Variants in SKAP2 observed in about 807,000 individuals in gnomAD.
SKAP2 encodes the protein src kinase associated phosphoprotein 2.
In SKAP2, 28 loss-of-function variants were observed where a neutral mutation model predicts 54.9. That is an observed-to-expected ratio of 0.51 (90% CI 0.38 to 0.70). The LOEUF (loss-of-function observed/expected upper bound fraction) is 0.70, where lower values mean the gene tolerates loss of function less well. Ranked by LOEUF, SKAP2 falls within the 30% of genes least tolerant of loss-of-function variation. SKAP2 has a pLI of 0.00. For synonymous variants in SKAP2, 137 were observed against 134.3 expected (o/e 1.02, Z -0.14); for missense variants, 356 against 424.1 (o/e 0.84, Z 1.41).
chr7:26,831,324 T>G (rs535071056), intron 4 of SKAP2, among the ~76,000 whole-genome samples: 22 of 152,308 alleles, frequency 1.4e-4, no homozygotes, highest in Admixed American at 4.6e-4. Flanking sequence ...ATGATATATT[T>G]GCTATAGCAA....
chr7:26,707,739 C>A (rs1010519087), intron 9 of SKAP2, among the ~76,000 whole-genome samples: 1 of 152,164 alleles, frequency 6.6e-6, no homozygotes, highest in African/African-American at 2.4e-5. Context: ...AGACCCCCAA[C>A]AGCCCAGGGA....
At chr7:26,697,273 A>C (rs1395443353) in intron 9 of SKAP2, among the ~76,000 whole-genome samples, 2 of 152,202 alleles carry the variant, frequency 1.3e-5, no homozygotes, top group African/African-American at 4.8e-5. Context: ...TTTCAGGAGC[A>C]GTCTTGTATA....
At chr7:26,791,886 T>G (rs1222063430) in intron 4 of SKAP2, among the ~76,000 whole-genome samples, 1 of 152,202 alleles carries the variant, frequency 6.6e-6, no homozygotes, top group Non-Finnish European at 1.5e-5. Context: ...CAAAAAGTCT[T>G]GTACACCAAC....
intron 4 of SKAP2, among the ~76,000 whole-genome samples, chr7:26,793,630 TA>T (rs1264883439): frequency 2.0e-5 from 3 of 152,306 alleles, no homozygotes; most frequent in East Asian, 3.9e-4. Context: ...AAGAGGTACA[TA>T]ATCTAAGTTA....
chr7:26,727,102 AT>A, intron 6 of SKAP2, 96 bp from the exon 7 acceptor site: 4 of 1,044,576 alleles, frequency 3.8e-6, no homozygotes, highest in Non-Finnish European at 2.7e-6. Flanking sequence ...TGGAAATAAC[AT>A]TTTTTGGTCA....
chr7:26,863,888 C>T (rs544594799), intron 1 of SKAP2, among the ~76,000 whole-genome samples: 1 of 152,240 alleles, frequency 6.6e-6, no homozygotes, highest in African/African-American at 2.4e-5. Context: ...TAACCCCTAA[C>T]ACCTGTGGCT....
At chr7:26,742,892 TA>T (rs556490638) in intron 4 of SKAP2, among the ~76,000 whole-genome samples, 77 of 152,260 alleles carry the variant, frequency 5.1e-4, no homozygotes, top group African/African-American at 1.8e-3. Context: ...AATTTCCTTT[TA>T]AAAAAATATG....
chr7:26,725,771 A>G, intron 8 of SKAP2, 152 bp downstream of exon 8: 1 of 801,988 alleles, frequency 1.2e-6, no homozygotes. Flanking sequence ...GATGCTGTTT[A>G]AAATCTGAAG....
chr7:26,864,278 G>C, intron 1 of SKAP2, 85 bp downstream of exon 1: 2 of 1,528,958 alleles, frequency 1.3e-6, no homozygotes, highest in Non-Finnish European at 1.8e-6. Context: ...GGGAGGATAA[G>C]GGCTCTGAAT....
At chr7:26,839,689 C>A (rs1361968167) in intron 4 of SKAP2, among the ~76,000 whole-genome samples, 5 of 151,868 alleles carry the variant, frequency 3.3e-5, no homozygotes. Flanking sequence ...AACATTGTTT[C>A]ATACTCTACT....
At chr7:26,755,454 A>G (rs2189017) in intron 4 of SKAP2, among the ~76,000 whole-genome samples, 124,253 of 151,992 alleles carry the variant, frequency 0.82, 51,425 homozygotes, top group African/African-American at 0.95. Flanking sequence ...ATAATGAACT[A>G]CAAATTAATA....
intron 4 of SKAP2, among the ~76,000 whole-genome samples, chr7:26,748,769 C>T (rs1440609112): frequency 6.6e-6 from 1 of 151,912 alleles, no homozygotes; most frequent in Non-Finnish European, 1.5e-5. Context: ...TAAATATATA[C>T]AATTATGAAC....
chr7:26,658,961 T>C, the SKAP2 span, among the ~76,000 whole-genome samples: 1 of 152,098 alleles, frequency 6.6e-6, no homozygotes, highest in Non-Finnish European at 1.5e-5. Context: ...GCAGAGCATA[T>C]AGGCCAGACC....
intron 4 of SKAP2, among the ~76,000 whole-genome samples, chr7:26,762,227 C>T (rs928468751): frequency 6.6e-6 from 1 of 151,974 alleles, no homozygotes. Flanking sequence ...TGTGAACGTA[C>T]CACTGCACTC....
At chr7:26,832,110 T>C (rs1784607533) in intron 4 of SKAP2, among the ~76,000 whole-genome samples, 1 of 152,242 alleles carries the variant, frequency 6.6e-6, no homozygotes, top group Non-Finnish European at 1.5e-5. Flanking sequence ...TGACACCAGT[T>C]GGCAATAGCT....
downstream of SKAP2, among the ~76,000 whole-genome samples, chr7:26,665,429 T>C (rs1786089563): frequency 6.6e-6 from 1 of 152,194 alleles, no homozygotes; most frequent in South Asian, 2.1e-4. Context: ...ATACTAACTG[T>C]ATAAAGGCAT....
intron 4 of SKAP2, among the ~76,000 whole-genome samples, chr7:26,827,666 T>C (rs1239344308): frequency 6.6e-6 from 1 of 152,152 alleles, no homozygotes; most frequent in East Asian, 1.9e-4. Context: ...AACCAGTTTT[T>C]CCCAAGACAT....
intron 9 of SKAP2, among the ~76,000 whole-genome samples, chr7:26,713,748 C>T (rs1210953836): frequency 6.6e-6 from 1 of 151,896 alleles, no homozygotes; most frequent in Non-Finnish European, 1.5e-5. Flanking sequence ...TACAGGTGCC[C>T]GCCACCACGC....
At chr7:26,826,568 C>T (rs1784497790) in intron 4 of SKAP2, among the ~76,000 whole-genome samples, 1 of 152,204 alleles carries the variant, frequency 6.6e-6, no homozygotes, top group Non-Finnish European at 1.5e-5. Flanking sequence ...ACTATTACCT[C>T]CATGTTCTAC....
Sources: allele counts gnomAD v4.1 joint callset (sites outside exome capture counted in the v4.1 genomes callset), GRCh38; gene constraint gnomAD v4.1.1; transcripts MANE v1.5; gene names NCBI Gene and HGNC (gene_info 2026-07-23, HGNC 2026-07-21).